The following KCNH7 variants were observed in gnomAD, a reference collection of about 807,000 sequenced individuals.
KCNH7 encodes voltage-gated inwardly rectifying potassium channel KCNH7.
Under a neutral mutation model 120.8 loss-of-function variants are expected in KCNH7, and 49 were observed. The ratio of observed to expected loss-of-function variants is 0.41; its 90% CI spans 0.32 to 0.51. The LOEUF is 0.51. KCNH7 is among the 20% of genes least tolerant of loss of function. KCNH7 has a pLI of 0.38. For synonymous variants in KCNH7, 547 were observed against 516.1 expected (o/e 1.06, Z -0.81); for missense variants, 1,097 against 1,446.6 (o/e 0.76, Z 3.92).
chr2:162,742,459 T>A (rs1408937437), intron 2 of KCNH7, among the ~76,000 whole-genome samples: 1 of 152,200 alleles, frequency 6.6e-6, no homozygotes, highest in Non-Finnish European at 1.5e-5. Flanking sequence ...TTGGCATATT[T>A]AATCCATTCT....
intron 6 of KCNH7, among the ~76,000 whole-genome samples, chr2:162,474,528 T>C (rs1689666270): frequency 6.6e-6 from 1 of 152,266 alleles, no homozygotes. Context: ...TGTCTTTATG[T>C]AATCCCTTCC....
chr2:162,418,806 C>G lies in KCNH7; in HGVS notation c.2154+4530G>C, dbSNP rs1687612381. Reference sequence around the variant, plus strand: ...AAATGTTCCTTGGAAGTCACATCAGCCCCAAGCAATATAAATTTATATTAA... The same window carrying G: ...AAATGTTCCTTGGAAGTCACATCAGGCCCAAGCAATATAAATTTATATTAA... On this transcript the variant is annotated intron_variant, in intron 9 of 15. Coordinates refer to ENST00000332142, the MANE Select transcript of KCNH7 (RefSeq NM_033272.4). 2.0e-5 allele frequency among the ~76,000 whole-genome samples: 3 copies of G among 152,062 alleles called. No individual in the cohort carries two copies. In the South Asian group the frequency reaches 6.2e-4, roughly 32 times the overall value.
intron 2 of KCNH7, among the ~76,000 whole-genome samples, chr2:162,649,261 G>C (rs1385411611): frequency 1.3e-5 from 2 of 152,028 alleles, no homozygotes; most frequent in African/African-American, 4.8e-5. Flanking sequence ...TTTTTTGTAT[G>C]CTGAAGATTT....
At chr2:162,574,364 T>C (rs1005033504) in intron 2 of KCNH7, among the ~76,000 whole-genome samples, 1 of 151,962 alleles carries the variant, frequency 6.6e-6, no homozygotes, top group African/African-American at 2.4e-5. Flanking sequence ...TTTCAAACTT[T>C]AGTATTTTTT....
intron 2 of KCNH7, among the ~76,000 whole-genome samples, chr2:162,833,108 T>C (rs781432645): frequency 1.1e-4 from 16 of 152,256 alleles, no homozygotes; most frequent in East Asian, 5.8e-4. Flanking sequence ...GACGTTTATT[T>C]TTCCTGGAGA....
At chr2:162,760,006 C>T (rs1481535586) in intron 2 of KCNH7, among the ~76,000 whole-genome samples, 3 of 152,024 alleles carry the variant, frequency 2.0e-5, no homozygotes, top group Non-Finnish European at 4.4e-5. Context: ...AAGATAATAA[C>T]GTCACTTAAG....
intron 2 of KCNH7, among the ~76,000 whole-genome samples, chr2:162,819,717 T>G (rs1358682216): frequency 1.3e-5 from 2 of 152,112 alleles, no homozygotes; most frequent in Non-Finnish European, 2.9e-5. Flanking sequence ...AATATTTCCC[T>G]AGAATAAAGA....
At chr2:162,803,133 G>A (rs1684407301) in intron 2 of KCNH7, among the ~76,000 whole-genome samples, 1 of 151,708 alleles carries the variant, frequency 6.6e-6, no homozygotes, top group Non-Finnish European at 1.5e-5. Flanking sequence ...AATCACCAGT[G>A]AGATCGCCAA....
chr2:162,474,625 T>C (rs1299796033), intron 6 of KCNH7, among the ~76,000 whole-genome samples: 1 of 152,234 alleles, frequency 6.6e-6, no homozygotes, highest in African/African-American at 2.4e-5. Flanking sequence ...TGTTAAGTTG[T>C]AAAAAGGCTG....
chr2:162,473,865 T>C (rs902299377), intron 6 of KCNH7, among the ~76,000 whole-genome samples: 1 of 152,156 alleles, frequency 6.6e-6, no homozygotes, highest in Non-Finnish European at 1.5e-5. Flanking sequence ...AGTCTTTCTG[T>C]AGGAAAACTT....
At position 162,371,865 on chromosome 2, in the gene KCNH7, A is replaced by G; in HGVS notation, c.3555T>C (p.His1185=). The G allele has an allele frequency of 6.2e-7, 1 of 1,612,816 alleles. No individual in the cohort carries two copies. Among genetic ancestry groups the G allele is most frequent in the South Asian group, 1.1e-5 (1 of 91,052 alleles). ...GAAGACCAGGATCAGAAACATGCCT[A>G]TGAAGACCCACGATTCCTACAGTGC... is the stretch of plus-strand genomic sequence containing the variant. The part of the protein sequence containing the change: ...SLSTVGIVGL[H]RHVSDPGLPG... The change falls in exon 16 of 16, where the codon CAT becomes CAC. Residue 1185 remains histidine, a synonymous_variant. Coordinates refer to ENST00000332142, the MANE Select transcript of KCNH7 (RefSeq NM_033272.4).
At chr2:162,833,784 C>G (rs1347279779) in intron 2 of KCNH7, among the ~76,000 whole-genome samples, 1 of 152,036 alleles carries the variant, frequency 6.6e-6, no homozygotes, top group African/African-American at 2.4e-5. Context: ...GCTTATAAAG[C>G]CTCTGGGCCA....
At chr2:162,571,085 A>T (rs1693455581) in intron 2 of KCNH7, among the ~76,000 whole-genome samples, 1 of 151,956 alleles carries the variant, frequency 6.6e-6, no homozygotes, top group Non-Finnish European at 1.5e-5. Flanking sequence ...GTATTCAATT[A>T]GGAAAAGAGG....
chr2:162,732,732 T>C (rs1469901593), intron 2 of KCNH7, among the ~76,000 whole-genome samples: 2 of 152,218 alleles, frequency 1.3e-5, no homozygotes, highest in Admixed American at 1.3e-4. Context: ...CATGATGAGA[T>C]ATGGGCAGTA....
At chr2:162,544,866 C>T (rs376028378) in intron 2 of KCNH7, among the ~76,000 whole-genome samples, 1 of 152,076 alleles carries the variant, frequency 6.6e-6, no homozygotes, top group East Asian at 1.9e-4. Context: ...TCTACCCTCC[C>T]TTTCATTGGC....
chr2:162,445,819 A>AT (rs1443677893), intron 7 of KCNH7, among the ~76,000 whole-genome samples, 199 bp downstream of exon 7: 1 of 152,190 alleles, frequency 6.6e-6, no homozygotes, highest in African/African-American at 2.4e-5. Flanking sequence ...AATCTTTTGC[A>AT]TCTCTTAGCA....
chr2:162,373,508 A>T lies in KCNH7; in HGVS notation c.3286T>A (p.Ser1096Thr). 6.4e-7 allele frequency: 1 copy of T among 1,572,188 alleles called. No homozygotes were observed. The highest frequency in any genetic ancestry group is 8.6e-7 in the Non-Finnish European group (1 of 1,159,078). The change falls in exon 15 of 16, where the codon TCC becomes ACC. Residue 1096 changes from serine to threonine, a missense_variant. Physicochemically the swap from Ser to Thr is moderately conservative, Grantham distance 58. Around this residue, in one of 8 missense-constraint regions of KCNH7, gnomAD observed 406 missense variants for 410.5 expected, o/e 0.99. Coordinates refer to ENST00000332142, the MANE Select transcript of KCNH7 (RefSeq NM_033272.4). ...CTGAAACTTCGGTCAGTTTTGATGG[A>T]TGCTTCCGGTTGACTGGTTCTCATC... is the stretch of plus-strand genomic sequence containing the variant. ...QLMRTSQPEA[S>T]IKTDRSFSPS...
intron 12 of KCNH7, among the ~76,000 whole-genome samples, chr2:162,390,460 C>G (rs1686712004): frequency 6.6e-6 from 1 of 151,878 alleles, no homozygotes; most frequent in African/African-American, 2.4e-5. Context: ...CACAGTTCAA[C>G]TTTTAAGACC....
intron 2 of KCNH7, among the ~76,000 whole-genome samples, chr2:162,738,897 T>C (rs531003510): frequency 1.3e-5 from 2 of 152,334 alleles, no homozygotes; most frequent in African/African-American, 4.8e-5. Context: ...TTATGTTTTT[T>C]ATAGGCAGGG....
Sources: allele counts gnomAD v4.1 joint callset (sites outside exome capture counted in the v4.1 genomes callset), GRCh38; gene constraint gnomAD v4.1.1; regional missense constraint gnomAD v4.1.1; transcripts MANE v1.5; gene names NCBI Gene and HGNC (gene_info 2026-07-23, HGNC 2026-07-21).